UNC5D: variants seen among roughly 807,000 people sequenced by gnomAD.
The protein encoded by UNC5D is unc-5 netrin receptor D.
In UNC5D, 39 loss-of-function variants were observed where a neutral mutation model predicts 105.4. The ratio of observed to expected loss-of-function variants is 0.37; its 90% CI spans 0.29 to 0.48. The LOEUF (loss-of-function observed/expected upper bound fraction) is 0.48, where lower values mean the gene tolerates loss of function less well. UNC5D is among the 20% of genes least tolerant of loss of function. The probability of loss-of-function intolerance (pLI) is 0.98; values close to 1 mark genes in which losing one functional copy is unlikely to be tolerated. For missense variants in UNC5D, 991 were observed against 1,202.4 expected (o/e 0.82, Z 2.60); for synonymous variants, 452 against 450.4 (o/e 1.00, Z -0.04).
chr8:35,783,118 G>C (rs1002309507), intron 16 of UNC5D, among the ~76,000 whole-genome samples: 1 of 151,756 alleles, frequency 6.6e-6, no homozygotes, highest in African/African-American at 2.4e-5. Flanking sequence ...ACTCCAGCCT[G>C]GGTGACAGAG....
chr8:35,347,709 G>A (rs1353118453), intron 1 of UNC5D, among the ~76,000 whole-genome samples: 1 of 151,974 alleles, frequency 6.6e-6, no homozygotes, highest in Admixed American at 6.6e-5. Context: ...GCAGCAAAGA[G>A]AGAAAGAGGC....
intron 1 of UNC5D, among the ~76,000 whole-genome samples, chr8:35,282,935 G>A (rs1316195741): frequency 6.6e-6 from 1 of 152,062 alleles, no homozygotes; most frequent in African/African-American, 2.4e-5. Flanking sequence ...TTTACTGTAT[G>A]GAAGCATGCA....
Position 35,606,763 on chromosome 8 carries a change from C to A in UNC5D, c.570+11106C>A, listed in dbSNP as rs186028080. On this transcript the variant is annotated intron_variant, in intron 4 of 16. Transcript: ENST00000404895. ...AAGATAGCAGCCAAAAGCAAAAATA[C>A]ATTTTGTTTCATAAATGCACACATG... 2.9e-3 allele frequency among the ~76,000 whole-genome samples: 439 copies of A among 152,316 alleles called. 3 individuals are homozygous for A. The highest frequency in any genetic ancestry group is 0.01 in the African/African-American group (419 of 41,552).
chr8:35,713,652 C>A (rs1356169921), intron 8 of UNC5D, among the ~76,000 whole-genome samples: 3 of 152,176 alleles, frequency 2.0e-5, no homozygotes, highest in Admixed American at 2.0e-4. Context: ...CTAAAAGGAG[C>A]TGTAAACATG....
chr8:35,794,948 CAT>C lies in UNC5D; in HGVS notation c.*4387_*4388del, dbSNP rs1353643633. On this transcript the variant is annotated 3_prime_UTR_variant, in exon 17 of 17. Coordinates refer to ENST00000404895, the MANE Select transcript of UNC5D (RefSeq NM_080872.4). ...GATCTGAAGTAGGAAATTTAACTGACATAGAATAATTGTGGTTTTTGAAGCAG... is the reference window on the plus strand; with the variant it reads ...GATCTGAAGTAGGAAATTTAACTGACAGAATAATTGTGGTTTTTGAAGCAG... The C allele has an allele frequency of 1.3e-5, 2 of 152,180 alleles. No homozygotes were observed. The highest frequency in any genetic ancestry group is 2.4e-5 in the African/African-American group (1 of 41,444). 9.4% of individuals were successfully genotyped at this position (152,180 alleles called of 1,614,324 possible). A position where few individuals can be genotyped will look rare whatever the true frequency, so the allele number is the denominator to read the frequency against.
chr8:35,395,435 GAA>G (rs2128944888), intron 1 of UNC5D, among the ~76,000 whole-genome samples: 1 of 152,236 alleles, frequency 6.6e-6, no homozygotes, highest in African/African-American at 2.4e-5. Flanking sequence ...ATATCAAAAA[GAA>G]AAGAAAACAG....
In UNC5D at chr8:35,435,366, C is replaced by T. The variant is rs530147162; in HGVS notation, c.104-113926C>T. Among the ~76,000 whole-genome samples the T allele has an allele frequency of 1.8e-3, 271 of 152,154 alleles. 2 individuals carry two copies. Among genetic ancestry groups the T allele is most frequent in the Middle Eastern group, 3.4e-3 (1 of 294 alleles). On this transcript the variant is annotated intron_variant, in intron 1 of 16. Coordinates refer to ENST00000404895, the MANE Select transcript of UNC5D (RefSeq NM_080872.4). ...TAGCAAAACATTCTCTGTCTTCACTCCTACATTTCTTCAATGCATTTCTGG... is the reference window on the plus strand; with the variant it reads ...TAGCAAAACATTCTCTGTCTTCACTTCTACATTTCTTCAATGCATTTCTGG...
intron 4 of UNC5D, among the ~76,000 whole-genome samples, chr8:35,669,353 C>G (rs1824626173): frequency 6.6e-6 from 1 of 151,944 alleles, no homozygotes; most frequent in Non-Finnish European, 1.5e-5. Flanking sequence ...GTATTAGGGA[C>G]CAAGCCAATA....
At chr8:35,251,288 T>C (rs1803678845) in intron 1 of UNC5D, among the ~76,000 whole-genome samples, 1 of 152,108 alleles carries the variant, frequency 6.6e-6, no homozygotes. Context: ...CATGTCCTAA[T>C]TCACATGGTG....
chr8:35,664,001 G>T (rs1428976604), intron 4 of UNC5D, among the ~76,000 whole-genome samples: 1 of 152,124 alleles, frequency 6.6e-6, no homozygotes, highest in East Asian at 1.9e-4. Context: ...TTAAAAACTG[G>T]TTACAGTCCT....
At chr8:35,354,692 A>G (rs1323539127) in intron 1 of UNC5D, among the ~76,000 whole-genome samples, 1 of 152,180 alleles carries the variant, frequency 6.6e-6, no homozygotes, top group Non-Finnish European at 1.5e-5. Flanking sequence ...TGTCCAATAT[A>G]TCCTTTGCTG....
intron 1 of UNC5D, among the ~76,000 whole-genome samples, chr8:35,282,381 C>T (rs1026369771): frequency 2.6e-5 from 4 of 152,092 alleles, no homozygotes; most frequent in Non-Finnish European, 5.9e-5. Context: ...GAACAATAAG[C>T]CAAACTTATA....
intron 1 of UNC5D, among the ~76,000 whole-genome samples, chr8:35,419,974 TG>T (rs1805785767): frequency 6.6e-6 from 1 of 152,032 alleles, no homozygotes; most frequent in South Asian, 2.1e-4. Context: ...TGGCTGAGTC[TG>T]GGGGTTTTTA....
intron 1 of UNC5D, among the ~76,000 whole-genome samples, chr8:35,335,756 A>ATTTTTTTTTTTTTTTTTTTTTTTTTTTT: frequency 1.1e-5 from 1 of 90,484 alleles, no homozygotes; most frequent in Non-Finnish European, 2.0e-5. Flanking sequence ...AGAGATTGCA[A>ATTTTTTTTTTTTTTTTTTTTTTTTTTTT]TTTTTTTTTT....
chr8:35,510,176 C>A (rs1016680453), intron 1 of UNC5D, among the ~76,000 whole-genome samples: 3 of 152,062 alleles, frequency 2.0e-5, no homozygotes, highest in African/African-American at 7.2e-5. Flanking sequence ...TCTCCTCCCC[C>A]TTACCTGGAG....
At chr8:35,430,170 G>A (rs1806529416) in intron 1 of UNC5D, among the ~76,000 whole-genome samples, 2 of 152,080 alleles carry the variant, frequency 1.3e-5, no homozygotes, top group South Asian at 4.1e-4. Context: ...CAACCTCCAA[G>A]GAGGAGAGAG....
At chr8:35,399,281 C>T (rs1008611984) in intron 1 of UNC5D, among the ~76,000 whole-genome samples, 1 of 151,884 alleles carries the variant, frequency 6.6e-6, no homozygotes, top group Admixed American at 6.6e-5. Context: ...ATAGACTCTT[C>T]ATGCTATGCA....
chr8:35,657,608 C>T (rs1823857187), intron 4 of UNC5D, among the ~76,000 whole-genome samples: 1 of 152,122 alleles, frequency 6.6e-6, no homozygotes, highest in Non-Finnish European at 1.5e-5. Flanking sequence ...CCTCAGCTTC[C>T]TGAGTAGCTG....
chr8:35,544,498 C>G, intron 1 of UNC5D: 1 of 1,612,416 alleles, frequency 6.2e-7, no homozygotes, highest in Non-Finnish European at 8.5e-7. Flanking sequence ...CTGGGACTTC[C>G]GGGTTCCTGT....
Sources: allele counts gnomAD v4.1 joint callset (sites outside exome capture counted in the v4.1 genomes callset), GRCh38; gene constraint gnomAD v4.1.1; transcripts MANE v1.5; gene names NCBI Gene and HGNC (gene_info 2026-07-23, HGNC 2026-07-21).